Variants in XRCC4 observed in about 807,000 individuals in gnomAD.
XRCC4 encodes the protein DNA repair protein XRCC4.
A neutral mutation model predicts 39.1 loss-of-function variants in XRCC4; 28 were observed. The observed-to-expected ratio is 0.72, with a 90% CI of 0.53 to 0.98. XRCC4 has a LOEUF of 0.98. Ranked by LOEUF, XRCC4 falls within the 50% of genes least tolerant of loss-of-function variation. The pLI, the probability that XRCC4 is intolerant of heterozygous loss-of-function variation, is 0.00. For missense variants in XRCC4, 350 were observed against 376.4 expected (o/e 0.93, Z 0.58); for synonymous variants, 123 against 126.4 (o/e 0.97, Z 0.18).
At chr5:83,142,311 CA>C (rs1243009368) in intron 3 of XRCC4, among the ~76,000 whole-genome samples, 1 of 42,716 alleles carries the variant, frequency 2.3e-5, no homozygotes, top group Non-Finnish European at 4.9e-5. Context: ...AACTAACTCT[CA>C]GTGGTGTTTA....
intron 7 of XRCC4, among the ~76,000 whole-genome samples, chr5:83,348,525 T>C (rs1366049315): frequency 6.6e-6 from 1 of 152,192 alleles, no homozygotes; most frequent in African/African-American, 2.4e-5. Flanking sequence ...GCAGCCACAA[T>C]GCAGGGTGCC....
downstream of XRCC4, among the ~76,000 whole-genome samples, chr5:83,357,743 G>A (rs577159238): frequency 4.1e-4 from 63 of 152,262 alleles, 1 homozygote; most frequent in African/African-American, 1.4e-3. Context: ...CCAAAAAATC[G>A]AAGGTCATAG....
rs538432537 is a variant in XRCC4, at chr5:83,199,652, T to C, written c.482+3716T>C. ...ATTTCTGCATGAAATTGTTGTGTTT[T>C]TCCTCCTAGTTTGTTATTGTTTTGA... On this transcript the variant is annotated intron_variant, in intron 4 of 7. Transcript: ENST00000396027. 2.0e-5 allele frequency among the ~76,000 whole-genome samples: 3 copies of C among 152,292 alleles called. No individual in the cohort carries two copies. In the South Asian group the frequency reaches 6.2e-4, roughly 32 times the overall value.
chr5:83,175,014 A>C (rs1226526848), intron 3 of XRCC4, among the ~76,000 whole-genome samples: 1 of 152,190 alleles, frequency 6.6e-6, no homozygotes, highest in Non-Finnish European at 1.5e-5. Flanking sequence ...GTTCACATAC[A>C]TGGTAGGAAC....
At chr5:83,264,983 G>T (rs114371814) in intron 7 of XRCC4, among the ~76,000 whole-genome samples, 3 of 151,964 alleles carry the variant, frequency 2.0e-5, no homozygotes, top group Non-Finnish European at 4.4e-5. Context: ...TGTTGTTGTT[G>T]TTTACCAATT....
At chr5:83,114,937 T>G (rs936688679) in intron 3 of XRCC4, among the ~76,000 whole-genome samples, 4 of 152,144 alleles carry the variant, frequency 2.6e-5, no homozygotes, top group African/African-American at 9.7e-5. Flanking sequence ...GGCCTCATAA[T>G]CATGGCAGAA....
intron 4 of XRCC4, among the ~76,000 whole-genome samples, chr5:83,196,992 T>A (rs991753866): frequency 1.3e-5 from 2 of 151,886 alleles, no homozygotes; most frequent in African/African-American, 4.8e-5. Flanking sequence ...ATTTATTAAC[T>A]AATGCAAAAC....
chr5:83,218,265 G>T (rs1751948236), intron 6 of XRCC4, among the ~76,000 whole-genome samples: 1 of 127,276 alleles, frequency 7.9e-6, no homozygotes, highest in South Asian at 2.4e-4. Flanking sequence ...TAATTAATAT[G>T]CATGGTGATA....
At chr5:83,187,232 C>T (rs1275999329) in intron 3 of XRCC4, among the ~76,000 whole-genome samples, 1 of 45,638 alleles carries the variant, frequency 2.2e-5, no homozygotes. Context: ...CGTGAGCCAC[C>T]GCGCCCGGCC....
chr5:83,311,304 G>A (rs369619), intron 7 of XRCC4, among the ~76,000 whole-genome samples: 105,798 of 151,486 alleles, frequency 0.7, 40,436 homozygotes, highest in Non-Finnish European at 0.85. Context: ...GATCACCAGG[G>A]GACTATAATC....
intron 6 of XRCC4, among the ~76,000 whole-genome samples, chr5:83,254,846 G>T (rs1211613788): frequency 6.6e-6 from 1 of 152,116 alleles, no homozygotes; most frequent in Admixed American, 6.5e-5. Flanking sequence ...CAGCGCTTTG[G>T]GAGGCCGAGG....
In XRCC4 at chr5:83,078,424, G is replaced by C. The variant is rs1744777057; in HGVS notation, c.-11+809G>C. On this transcript the variant is annotated intron_variant, in intron 1 of 7. Transcript: ENST00000396027. Reference sequence around the variant, plus strand: ...GGTGTATTTTTTCTCAGGCAGGAGAGAGTTCTTTTCAGAATGTTTTCAATT... The same window carrying C: ...GGTGTATTTTTTCTCAGGCAGGAGACAGTTCTTTTCAGAATGTTTTCAATT... Among the ~76,000 whole-genome samples the C allele has an allele frequency of 2.0e-5, 3 of 152,240 alleles. No homozygotes were observed. In the South Asian group the frequency reaches 6.2e-4, roughly 31 times the overall value.
chr5:83,335,988 G>GT (rs965847452), intron 7 of XRCC4, among the ~76,000 whole-genome samples: 7 of 151,778 alleles, frequency 4.6e-5, no homozygotes, highest in East Asian at 3.9e-4. Flanking sequence ...TTACAGATGA[G>GT]TTTTTTTTAA....
At chr5:83,088,513 CATATT>C (rs1241610211) in intron 1 of XRCC4, among the ~76,000 whole-genome samples, 2 of 148,292 alleles carry the variant, frequency 1.3e-5, no homozygotes, top group East Asian at 3.9e-4. Flanking sequence ...ATTTTTAAAA[CATATT>C]AAGTGACTAT....
At chr5:83,255,025 T>A (rs1753479907) in intron 6 of XRCC4, among the ~76,000 whole-genome samples, 2 of 150,262 alleles carry the variant, frequency 1.3e-5, no homozygotes, top group South Asian at 4.2e-4. Flanking sequence ...AGGCAGAGGT[T>A]GCAGTGAGCC....
intron 6 of XRCC4, among the ~76,000 whole-genome samples, chr5:83,210,740 C>G (rs1326592203): frequency 2.6e-5 from 4 of 152,156 alleles, no homozygotes; most frequent in Non-Finnish European, 5.9e-5. Context: ...TCAGATTGAA[C>G]AAGTAAGACT....
the XRCC4 span, among the ~76,000 whole-genome samples, chr5:83,370,383 TC>T: frequency 6.6e-6 from 1 of 152,148 alleles, no homozygotes; most frequent in East Asian, 1.9e-4. Context: ...ATGTCAGTCC[TC>T]CTCTCCACAT....
At chr5:83,114,812 G>T (rs79327149) in intron 3 of XRCC4, among the ~76,000 whole-genome samples, 2 of 152,066 alleles carry the variant, frequency 1.3e-5, no homozygotes, top group East Asian at 1.9e-4. Context: ...CCAGTCTACC[G>T]GTACCAATTT....
intron 7 of XRCC4, among the ~76,000 whole-genome samples, chr5:83,271,884 A>G (rs1442736914): frequency 6.6e-6 from 1 of 152,196 alleles, no homozygotes; most frequent in Non-Finnish European, 1.5e-5. Context: ...TGAGCACTGC[A>G]TTTAAAGATA....
Sources: gnomAD v4.1 joint callset for allele counts (sites outside exome capture counted in the v4.1 genomes callset) on GRCh38, gnomAD v4.1.1 for gene constraint, MANE v1.5 for transcripts, NCBI Gene and HGNC (gene_info 2026-07-23, HGNC 2026-07-21) for gene names.